IFT74: variants seen among roughly 807,000 people sequenced by gnomAD.
IFT74 encodes intraflagellar transport protein 74 homolog.
A neutral mutation model predicts 96.7 loss-of-function variants in IFT74; 92 were observed. The ratio of observed to expected loss-of-function variants is 0.95; its 90% CI spans 0.80 to 1.13. The LOEUF (loss-of-function observed/expected upper bound fraction) is 1.13. Ranked by LOEUF, IFT74 falls within the 50% of genes most tolerant of loss-of-function variation. The pLI, the probability that IFT74 is intolerant of heterozygous loss-of-function variation, is 0.00. For synonymous variants in IFT74, 223 were observed against 213.2 expected (o/e 1.05, Z -0.40); for missense variants, 811 against 698.2 (o/e 1.16, Z -1.82).
intron 12 of IFT74, among the ~76,000 whole-genome samples, chr9:27,021,550 T>C (rs574698363): frequency 1.3e-5 from 2 of 152,332 alleles, no homozygotes; most frequent in East Asian, 3.9e-4. Context: ...TGGTATTGCA[T>C]TGTGGTTTTG....
chr9:26,969,442 G>A (rs532811203), intron 2 of IFT74, among the ~76,000 whole-genome samples: 4 of 151,746 alleles, frequency 2.6e-5, no homozygotes, highest in Admixed American at 1.3e-4. Context: ...TTTAGCCTAT[G>A]TGTGTCTTTT....
intron 12 of IFT74, among the ~76,000 whole-genome samples, chr9:27,023,113 G>A (rs1446563978): frequency 1.3e-5 from 2 of 152,154 alleles, no homozygotes; most frequent in South Asian, 2.1e-4. Flanking sequence ...GACAGTGACA[G>A]TTTGACTTCC....
intron 14 of IFT74, 142 bp from the exon 15 acceptor site, chr9:27,047,132 A>G: frequency 2.0e-6 from 1 of 504,652 alleles, no homozygotes; most frequent in African/African-American, 2.0e-5. Flanking sequence ...AGATCGTGCC[A>G]CTGCACTCCA....
chr9:26,966,696 T>G (rs1052679352), intron 2 of IFT74, among the ~76,000 whole-genome samples: 35 of 152,274 alleles, frequency 2.3e-4, no homozygotes, highest in African/African-American at 8.2e-4. Context: ...TTTGTTCATT[T>G]TTGCTTTGGT....
At chr9:27,036,394 C>G in intron 13 of IFT74, 2 of 1,589,298 alleles carry the variant, frequency 1.3e-6, no homozygotes, top group Non-Finnish European at 1.7e-6. Flanking sequence ...CTCTTTTTAC[C>G]ACAGCAATTT....
intron 8 of IFT74, chr9:26,995,485 GATA>G (rs1416883915): frequency 8.0e-7 from 1 of 1,245,760 alleles, no homozygotes. Context: ...TGAGTGAGCT[GATA>G]ACTTTGCTTT....
rs1174915691 is a variant in IFT74 at position 27,020,584 on chromosome 9, C to T, written c.974+1897C>T. ...CCTCCTCCCAGGTTCATGCCATTCT[C>T]CTGCCTCAGCCTCCCCAGTAGCTGG... On this transcript the variant is annotated intron_variant, in intron 12 of 19. Coordinates refer to ENST00000380062, the MANE Select transcript of IFT74 (RefSeq NM_025103.4). 2.6e-5 allele frequency among the ~76,000 whole-genome samples: 4 copies of T among 151,556 alleles called. No individual in the cohort carries two copies. The East Asian group carries it at 7.8e-4, about 29-fold the overall frequency.
At chr9:27,059,906 T>G (rs1820340133) in intron 18 of IFT74, among the ~76,000 whole-genome samples, 1 of 152,236 alleles carries the variant, frequency 6.6e-6, no homozygotes, top group Admixed American at 6.5e-5. Flanking sequence ...GTCCTTTGCT[T>G]TGGAAAAAAC....
chr9:26,984,267 A>G lies in IFT74; in HGVS notation c.316A>G (p.Ser106Gly). Residue 106 changes from serine to glycine, a missense_variant, in exon 5 of 20, where the codon AGT (serine) becomes GGT (glycine). Transcript: ENST00000380062. Reference sequence around the variant, plus strand: ...TTTCTTTTCTAATAGAAGTAAAATAAGTGAACTTACAACTGAAGTTAATAA... The same window carrying G: ...TTTCTTTTCTAATAGAAGTAAAATAGGTGAACTTACAACTGAAGTTAATAA... ...YYLGLLRSKISELTTEVNKLQ... is the reference protein window; with the variant it reads ...YYLGLLRSKIGELTTEVNKLQ... 6.4e-7 allele frequency: 1 copy of G among 1,564,496 alleles called. No individual in the cohort carries two copies. The highest frequency in any genetic ancestry group is 8.7e-7 in the Non-Finnish European group (1 of 1,154,676).
chr9:27,054,916 G>A (rs1399497887), intron 16 of IFT74, among the ~76,000 whole-genome samples: 3 of 152,186 alleles, frequency 2.0e-5, no homozygotes, highest in Admixed American at 6.5e-5. Flanking sequence ...GCACATCATA[G>A]CCTTATGGAG....
At chr9:26,962,746 A>G (rs910888857) in intron 2 of IFT74, among the ~76,000 whole-genome samples, 1 of 152,182 alleles carries the variant, frequency 6.6e-6, no homozygotes, top group African/African-American at 2.4e-5. Flanking sequence ...GATATGGGCT[A>G]GGCTTTCTAA....
At chr9:27,029,159 A>G (rs1178470257) in intron 13 of IFT74, 55 bp downstream of exon 13, 5 of 1,395,874 alleles carry the variant, frequency 3.6e-6, no homozygotes, top group Non-Finnish European at 4.0e-6. Context: ...CAGTATTAAT[A>G]TAGTGTTAAC....
chr9:26,988,858 C>CTAATAGTGGTATTT, intron 7 of IFT74, 130 bp downstream of exon 7: 3 of 858,214 alleles, frequency 3.5e-6, no homozygotes, highest in Non-Finnish European at 4.9e-6. Flanking sequence ...TTGTAAATAC[C>CTAATAGTGGTATTT]ACTATTAGGT....
At chr9:26,985,110 A>G (rs1319082181) in intron 6 of IFT74, among the ~76,000 whole-genome samples, 1 of 152,236 alleles carries the variant, frequency 6.6e-6, no homozygotes, top group African/African-American at 2.4e-5. Context: ...ATACCATGAA[A>G]TACTATGCAG....
At chr9:27,010,688 T>A (rs1829022586) in intron 9 of IFT74, among the ~76,000 whole-genome samples, 1 of 150,790 alleles carries the variant, frequency 6.6e-6, no homozygotes, top group African/African-American at 2.4e-5. Context: ...AGACAGTGTT[T>A]CACCGTGTTA....
chr9:27,007,540 A>G (rs1347049003), intron 8 of IFT74, among the ~76,000 whole-genome samples: 1 of 152,210 alleles, frequency 6.6e-6, no homozygotes, highest in Non-Finnish European at 1.5e-5. Context: ...TGAAGATACC[A>G]CTTCTTCTCC....
At chr9:27,037,319 A>G (rs1161854239) in intron 13 of IFT74, among the ~76,000 whole-genome samples, 1 of 151,928 alleles carries the variant, frequency 6.6e-6, no homozygotes, top group African/African-American at 2.4e-5. Context: ...TGGCAAAATT[A>G]TGTATGAAAA....
intron 18 of IFT74, 71 bp downstream of exon 18, chr9:27,056,530 A>T: frequency 1.4e-6 from 2 of 1,387,092 alleles, no homozygotes; most frequent in Non-Finnish European, 2.0e-6. Flanking sequence ...TCAATTTTTT[A>T]TTTTAAAATT....
Position 26,962,023 on chromosome 9 carries a change from G to C in IFT74, c.56G>C (p.Gly19Ala), listed in dbSNP as rs759834567. The C allele has an allele frequency of 2.9e-5, 46 of 1,614,024 alleles. No individual in the cohort carries two copies. The Middle Eastern group carries it at 6.6e-4, about 23-fold the overall frequency. The change falls in exon 2 of 20, where the codon GGG becomes GCG. Residue 19 changes from glycine (G) to alanine (A), a missense_variant. By Grantham distance (60) the Gly-to-Ala change is moderately conservative. Transcript: ENST00000380062. The stretch of plus-strand genomic sequence containing the variant: ...CGCCCTGTTTCAAGAGGTGGAGTTG[G>C]GTTAACAGGAAGGCCTCCTTCTGGG... ...AARPVSRGGV[G>A]LTGRPPSGIR... is the part of the protein sequence containing the mutation.
Sources: gnomAD v4.1 joint callset for allele counts (sites outside exome capture counted in the v4.1 genomes callset) on GRCh38, gnomAD v4.1.1 for gene constraint, MANE v1.5 for transcripts, NCBI Gene and HGNC (gene_info 2026-07-23, HGNC 2026-07-21) for gene names.